DNAI7: variants seen among roughly 807,000 people sequenced by gnomAD.
The protein encoded by DNAI7 is dynein axonemal intermediate chain 7.
In DNAI7, 78 loss-of-function variants were observed where a neutral mutation model predicts 86.6. The observed-to-expected ratio is 0.90, with a 90% CI of 0.75 to 1.09. The LOEUF is 1.09. DNAI7 is among the 50% of genes least tolerant of loss of function. The probability of loss-of-function intolerance (pLI) is 0.00; values close to 1 mark genes in which losing one functional copy is unlikely to be tolerated. For missense variants in DNAI7, 753 were observed against 810.2 expected (o/e 0.93, Z 0.86); for synonymous variants, 274 against 273.0 (o/e 1.00, Z -0.04).
chr12:25,108,151 A>G, downstream of DNAI7: 1 of 1,410,782 alleles, frequency 7.1e-7, no homozygotes, highest in Non-Finnish European at 9.7e-7. Flanking sequence ...AAAGTATAGC[A>G]TGAAACCAGA....
chr12:25,121,022 C>A (rs777900562), intron 11 of DNAI7, among the ~76,000 whole-genome samples: 27 of 152,202 alleles, frequency 1.8e-4, no homozygotes, highest in Non-Finnish European at 3.2e-4. Flanking sequence ...TGGTTCAATG[C>A]TGTTGATTTA....
At chr12:25,142,726 A>T (rs923140645) in intron 9 of DNAI7, among the ~76,000 whole-genome samples, 1 of 152,196 alleles carries the variant, frequency 6.6e-6, no homozygotes, top group African/African-American at 2.4e-5. Context: ...TAAAATCACA[A>T]ATCCTCCCTA....
chr12:25,157,707 G>C (rs1423812839), intron 4 of DNAI7, among the ~76,000 whole-genome samples: 2 of 151,932 alleles, frequency 1.3e-5, no homozygotes, highest in Non-Finnish European at 2.9e-5. Flanking sequence ...CTCCTTGGAG[G>C]GTCTTCAGTT....
At position 25,161,134 on chromosome 12, in the gene DNAI7, C is replaced by T; in HGVS notation, c.85G>A (p.Glu29Lys). The T allele has an allele frequency of 6.2e-7, 1 of 1,608,958 alleles. No homozygotes were observed. The highest frequency in any genetic ancestry group is 8.5e-7 in the Non-Finnish European group (1 of 1,175,700). ...ERLKLLQEEE[E>K]RRLKEEEEAR... The stretch of plus-strand genomic sequence containing the variant: ...GTACCTTCCTCTTTCAGTCGTCTCT[C>T]CTCCTCCTCTTGTAGCAGCTTCAAT... Residue 29 changes from glutamate (E) to lysine (K), a missense_variant, in exon 3 of 16, where the codon GAG becomes AAG. Coordinates refer to ENST00000395987, the MANE Select transcript of DNAI7 (RefSeq NM_018272.5).
At position 25,190,702 on chromosome 12, in the gene DNAI7, T is replaced by C. The variant is rs1950440858; in HGVS notation, c.4-71A>G. 3.5e-6 allele frequency: 3 copies of C among 858,332 alleles called. No individual in the cohort carries two copies. In the South Asian group the frequency reaches 6.3e-5, roughly 18 times the overall value. 53.2% of individuals were successfully genotyped at this position (858,332 alleles called of 1,614,324 possible). A position where few individuals can be genotyped will look rare whatever the true frequency, so the allele number is the denominator to read the frequency against. On this transcript the variant is annotated intron_variant, in intron 1 of 15. Coordinates refer to ENST00000395987, the MANE Select transcript of DNAI7 (RefSeq NM_018272.5). The stretch of plus-strand genomic sequence containing the variant: ...CTGATACAAAAGTATCATGATTATG[T>C]AAGATGTTAAAATTAGAAGAAGCTT...
intron 1 of DNAI7, among the ~76,000 whole-genome samples, chr12:25,193,087 G>A (rs1045022287): frequency 3.3e-5 from 5 of 151,064 alleles, no homozygotes; most frequent in Non-Finnish European, 7.4e-5. Flanking sequence ...CTGAGACTTC[G>A]ATAAGCCATG....
rs775541229 is a variant in DNAI7 at position 25,111,945 on chromosome 12, TTAAA to T, written c.1612-10_1612-7del. On this transcript the variant is annotated splice_region_variant and splice_polypyrimidine_tract_variant and intron_variant, in intron 13 of 15. Transcript: ENST00000395987. ...GATAACATGCAGAGGTTTTCCTAGT[TTAAA>T]TAAGAAAAAAGAAGCTTTTATGTAA... The T allele has an allele frequency of 3.9e-6, 6 of 1,556,998 alleles. No homozygotes were observed. The highest frequency in any genetic ancestry group is 3.5e-6 in the Non-Finnish European group (4 of 1,154,432).
At chr12:25,193,820 T>C (rs1565865148) in intron 1 of DNAI7, among the ~76,000 whole-genome samples, 1 of 5,642 alleles carries the variant, frequency 1.8e-4, no homozygotes. Context: ...TCCCTATTTC[T>C]TTTTTTCTCT....
At chr12:25,107,105 G>C (rs773439643), downstream of DNAI7, 336 of 963,144 alleles carry the variant, frequency 3.5e-4, 1 homozygote, top group Non-Finnish European at 5.3e-4. Context: ...AAAGGGTGAG[G>C]CAGGGCTGAC....
chr12:25,138,646 C>A (rs890766187), intron 9 of DNAI7, among the ~76,000 whole-genome samples: 9 of 152,078 alleles, frequency 5.9e-5, no homozygotes, highest in Non-Finnish European at 8.8e-5. Context: ...TTTAAAAATT[C>A]TTTGAACTGA....
intron 9 of DNAI7, among the ~76,000 whole-genome samples, chr12:25,132,894 C>A (rs563055481): frequency 7.1e-6 from 1 of 140,774 alleles, no homozygotes; most frequent in Admixed American, 6.8e-5. Context: ...TGGGGTATAA[C>A]CCCTTGTCAT....
At position 25,154,370 on chromosome 12, in the gene DNAI7, T is replaced by G; in HGVS notation, c.387A>C (p.Lys129Asn). 6.2e-7 allele frequency: 1 copy of G among 1,611,596 alleles called. No homozygotes were observed. The highest frequency in any genetic ancestry group is 8.5e-7 in the Non-Finnish European group (1 of 1,179,460). Reference protein sequence around the residue: ...MNTFISLWKEKTNETFEEVIE... With the variant: ...MNTFISLWKENTNETFEEVIE... ...TCACTTCCTCAAAAGTCTCATTTGT[T>G]TTCTCTTTCCACAAACTAATAAACG... Residue 129 changes from lysine to asparagine, a missense_variant, in exon 6 of 16, where the codon AAA (lysine) becomes AAC (asparagine). Transcript: ENST00000395987.
chr12:25,190,078 CTAATT>C (rs1451967392), intron 2 of DNAI7, among the ~76,000 whole-genome samples: 17 of 150,044 alleles, frequency 1.1e-4, no homozygotes, highest in African/African-American at 3.9e-4. Flanking sequence ...ATTATAAACT[CTAATT>C]TAAAGTATAA....
chr12:25,149,729 C>G lies in DNAI7; in HGVS notation c.484G>C (p.Asp162His), dbSNP rs1209948352. 6.4e-7 allele frequency: 1 copy of G among 1,556,550 alleles called. No homozygotes were observed. Among genetic ancestry groups the G allele is most frequent in the African/African-American group, 1.4e-5 (1 of 73,588 alleles). Reference sequence around the variant, plus strand: ...TGTATTATATTTTTATCTTGCAAATCACATGGTGGAGTTTCCAGTAAAATA... The same window carrying G: ...TGTATTATATTTTTATCTTGCAAATGACATGGTGGAGTTTCCAGTAAAATA... Reference protein sequence around the residue: ...KFILLETPPCDLQDKNIIQYQ... With the variant: ...KFILLETPPCHLQDKNIIQYQ... The change falls in exon 7 of 16, where the codon GAT becomes CAT. Residue 162 changes from aspartate (D) to histidine (H), a missense_variant. Asp to His is a moderately conservative substitution (Grantham distance 81). Transcript: ENST00000395987.
rs775057330 is a variant in DNAI7, at chr12:25,149,651, C to A, written c.562G>T (p.Val188Leu). Residue 188 changes from valine to leucine, a missense_variant, in exon 7 of 16, where the codon GTA (valine) becomes TTA (leucine). Transcript: ENST00000395987. ...ACTTTGAGAAGTATTTCTGTGGCTA[C>A]ACCGAATTTAAGATGAAGGAGCTCC... ...LQELLHLKFG[V>L]ATEILLKQAS... 6.2e-7 allele frequency: 1 copy of A among 1,606,552 alleles called. No individual in the cohort carries two copies. Among genetic ancestry groups the A allele is most frequent in the African/African-American group, 1.3e-5 (1 of 74,634 alleles).
chr12:25,116,426 T>TA (rs2140398447), intron 12 of DNAI7, among the ~76,000 whole-genome samples: 1 of 152,342 alleles, frequency 6.6e-6, no homozygotes, highest in Admixed American at 6.5e-5. Context: ...TACTGCTTTC[T>TA]AATTACTGAA....
chr12:25,135,595 C>T (rs997182608), intron 9 of DNAI7, among the ~76,000 whole-genome samples: 1 of 152,124 alleles, frequency 6.6e-6, no homozygotes, highest in East Asian at 1.9e-4. Context: ...AGCAGGGAGG[C>T]TGGTAGCCTG....
intron 3 of DNAI7, 57 bp downstream of exon 3, chr12:25,161,056 C>A: frequency 7.6e-7 from 1 of 1,320,388 alleles, no homozygotes; most frequent in South Asian, 1.3e-5. Context: ...CTACAAAAGA[C>A]CAACCTATCG....
At chr12:25,162,712 A>G (rs1279728561) in intron 2 of DNAI7, among the ~76,000 whole-genome samples, 1 of 152,062 alleles carries the variant, frequency 6.6e-6, no homozygotes, top group African/African-American at 2.4e-5. Flanking sequence ...TTCCTTTCCC[A>G]GGTTAGATTT....
Sources: gnomAD v4.1 joint callset for allele counts (sites outside exome capture counted in the v4.1 genomes callset) on GRCh38, gnomAD v4.1.1 for gene constraint, MANE v1.5 for transcripts, NCBI Gene and HGNC (gene_info 2026-07-23, HGNC 2026-07-21) for gene names.